KCNH8: variants seen among roughly 807,000 people sequenced by gnomAD.
KCNH8 encodes potassium voltage-gated channel subfamily H member 8.
A neutral mutation model predicts 103.6 loss-of-function variants in KCNH8; 70 were observed. The ratio of observed to expected loss-of-function variants is 0.68; its 90% CI spans 0.56 to 0.82. The LOEUF is 0.82. Ranked by LOEUF, KCNH8 falls within the 40% of genes least tolerant of loss-of-function variation. The pLI is 0.00. For missense variants in KCNH8, 1,217 were observed against 1,329.9 expected (o/e 0.92, Z 1.32); for synonymous variants, 498 against 489.4 (o/e 1.02, Z -0.23).
At chr3:19,198,471 A>G (rs2063624163) in intron 1 of KCNH8, among the ~76,000 whole-genome samples, 1 of 152,116 alleles carries the variant, frequency 6.6e-6, no homozygotes, top group African/African-American at 2.4e-5. Flanking sequence ...ACAGAGGTCC[A>G]TCCTGCCGTT....
chr3:19,421,295 TATAAG>T (rs1318137371), intron 7 of KCNH8, among the ~76,000 whole-genome samples: 1 of 152,126 alleles, frequency 6.6e-6, no homozygotes, highest in Non-Finnish European at 1.5e-5. Flanking sequence ...TTTTACAAAG[TATAAG>T]ATATTTTGAT....
At chr3:19,241,541 C>G (rs1015111305) in intron 1 of KCNH8, among the ~76,000 whole-genome samples, 1 of 152,008 alleles carries the variant, frequency 6.6e-6, no homozygotes, top group Non-Finnish European at 1.5e-5. Context: ...GTGCTCAACC[C>G]AAAATCTAAT....
intron 1 of KCNH8, among the ~76,000 whole-genome samples, chr3:19,191,231 A>G (rs1383515158): frequency 6.6e-6 from 1 of 151,838 alleles, no homozygotes; most frequent in Non-Finnish European, 1.5e-5. Context: ...TTTACAGTTA[A>G]TATTTTAATA....
chr3:19,473,310 C>T (rs1002757266), intron 11 of KCNH8, among the ~76,000 whole-genome samples: 7 of 152,070 alleles, frequency 4.6e-5, no homozygotes, highest in East Asian at 1.9e-4. Flanking sequence ...CATCAGAAAC[C>T]GACTGGAACT....
intron 1 of KCNH8, among the ~76,000 whole-genome samples, chr3:19,178,184 A>C (rs993453789): frequency 5.9e-5 from 9 of 152,156 alleles, no homozygotes; most frequent in Admixed American, 1.3e-4. Flanking sequence ...GAAATAAAAA[A>C]AAAATTACTT....
At chr3:19,440,558 A>C (rs1176987174) in intron 8 of KCNH8, among the ~76,000 whole-genome samples, 8 of 152,136 alleles carry the variant, frequency 5.3e-5, no homozygotes, top group Non-Finnish European at 1.2e-4. Flanking sequence ...AGGCTTATTT[A>C]CTATCAGGAG....
At position 19,309,660 on chromosome 3, in the gene KCNH8, T is replaced by C. The variant is rs371116214; in HGVS notation, c.442+28331T>C. Among the ~76,000 whole-genome samples, 19 of 152,010 alleles carry C rather than the reference T, an allele frequency of 1.2e-4. No individual in the cohort carries two copies. The South Asian group carries it at 3.9e-3, about 32-fold the overall frequency. On this transcript the variant is annotated intron_variant, in intron 3 of 15. Transcript: ENST00000328405. ...AGTGATGATTATTTCTGAGTGGTAATGGAGGAGGATGAGGGAAATGAAGGA... is the reference window on the plus strand; with the variant it reads ...AGTGATGATTATTTCTGAGTGGTAACGGAGGAGGATGAGGGAAATGAAGGA...
At chr3:19,331,106 A>G (rs572304911) in intron 3 of KCNH8, among the ~76,000 whole-genome samples, 65 of 151,902 alleles carry the variant, frequency 4.3e-4, no homozygotes, top group African/African-American at 1.6e-3. Context: ...ACTTTGTATC[A>G]TTTTCTAATA....
intron 5 of KCNH8, among the ~76,000 whole-genome samples, chr3:19,373,876 C>T (rs2066145882): frequency 6.6e-6 from 1 of 152,132 alleles, no homozygotes. Flanking sequence ...ACCCATTAGT[C>T]ATTCAGGAGC....
Position 19,161,287 on chromosome 3 carries a change from C to T in KCNH8, c.76+12492C>T, listed in dbSNP as rs533827295. The stretch of plus-strand genomic sequence containing the variant: ...CCACCAGGTGGTATTGGAACATATC[C>T]GTCTCAGGTAAGGGGGAATTACTGT... On this transcript the variant is annotated intron_variant, in intron 1 of 15. Transcript: ENST00000328405. 2.6e-5 allele frequency among the ~76,000 whole-genome samples: 4 copies of T among 152,250 alleles called. No homozygotes were observed. The South Asian group carries it at 6.2e-4, about 24-fold the overall frequency.
chr3:19,348,074 T>A, intron 5 of KCNH8, 109 bp downstream of exon 5: 1 of 1,354,326 alleles, frequency 7.4e-7, no homozygotes, highest in Non-Finnish European at 1.0e-6. Flanking sequence ...TGGGCTTGAT[T>A]CAGCCTCTGT....
chr3:19,376,615 G>A (rs2066210692), intron 5 of KCNH8, among the ~76,000 whole-genome samples: 1 of 152,160 alleles, frequency 6.6e-6, no homozygotes, highest in South Asian at 2.1e-4. Context: ...GGCCATCTTG[G>A]CTCCTCTCCC....
At chr3:19,356,281 T>C (rs1239428218) in intron 5 of KCNH8, among the ~76,000 whole-genome samples, 1 of 151,956 alleles carries the variant, frequency 6.6e-6, no homozygotes, top group Non-Finnish European at 1.5e-5. Context: ...TATTTAAATA[T>C]GATTAATCCA....
chr3:19,533,224 AAG>A (rs1474660039), intron 15 of KCNH8, among the ~76,000 whole-genome samples, 169 bp from the exon 16 acceptor site: 2 of 150,960 alleles, frequency 1.3e-5, no homozygotes, highest in East Asian at 2.0e-4. Flanking sequence ...AAAAAGGAAA[AAG>A]AAAAAAAAAA....
intron 7 of KCNH8, 90 bp from the exon 8 acceptor site, chr3:19,438,074 T>C: frequency 1.0e-6 from 1 of 995,464 alleles, no homozygotes; most frequent in Admixed American, 2.0e-5. Context: ...AATTATTACC[T>C]CCCCAAATGT....
intron 1 of KCNH8, among the ~76,000 whole-genome samples, chr3:19,224,769 G>T (rs760185879): frequency 3.1e-4 from 47 of 152,058 alleles, no homozygotes; most frequent in Non-Finnish European, 4.7e-4. Flanking sequence ...GCTGTTTTCT[G>T]TTACCAAGAT....
chr3:19,355,855 A>G (rs562052739), intron 5 of KCNH8, among the ~76,000 whole-genome samples: 4 of 151,680 alleles, frequency 2.6e-5, no homozygotes, highest in Non-Finnish European at 4.4e-5. Context: ...CACATTATGC[A>G]CATGTACCCT....
intron 15 of KCNH8, among the ~76,000 whole-genome samples, chr3:19,530,124 G>A (rs1012876094): frequency 6.6e-6 from 1 of 152,146 alleles, no homozygotes; most frequent in Non-Finnish European, 1.5e-5. Context: ...CATGGAGGTA[G>A]AGAGTAGAAT....
chr3:19,235,846 T>C (rs994492707), intron 1 of KCNH8, among the ~76,000 whole-genome samples: 3 of 152,274 alleles, frequency 2.0e-5, no homozygotes, highest in Admixed American at 1.3e-4. Context: ...TTTAGAAAAA[T>C]GGCCAAAATT....
Sources: gnomAD v4.1 joint callset for allele counts (sites outside exome capture counted in the v4.1 genomes callset) on GRCh38, gnomAD v4.1.1 for gene constraint, MANE v1.5 for transcripts, NCBI Gene and HGNC (gene_info 2026-07-23, HGNC 2026-07-21) for gene names.